KCTD3: variants seen among roughly 807,000 people sequenced by gnomAD.
The protein encoded by KCTD3 is potassium channel tetramerization domain containing 3.
A neutral mutation model predicts 85.8 loss-of-function variants in KCTD3; 41 were observed. The ratio of observed to expected loss-of-function variants is 0.48; its 90% CI spans 0.37 to 0.62. The LOEUF (loss-of-function observed/expected upper bound fraction) is 0.62, where lower values mean the gene tolerates loss of function less well. KCTD3 is among the 20% of genes least tolerant of loss of function. The probability of loss-of-function intolerance (pLI) is 0.00; values close to 1 mark genes in which losing one functional copy is unlikely to be tolerated. For missense variants in KCTD3, 724 were observed against 989.9 expected, an observed-to-expected ratio of 0.73 and a Z score of 3.60; for synonymous variants, 338 against 345.4, an observed-to-expected ratio of 0.98 and a Z score of 0.24.
intron 8 of KCTD3, 116 bp downstream of exon 8, chr1:215,580,115 C>A: frequency 3.1e-6 from 2 of 648,484 alleles, no homozygotes; most frequent in Non-Finnish European, 5.4e-6. Context: ...TTTTTCCCTG[C>A]ATATTTTACC....
In KCTD3 at chr1:215,620,403, G is replaced by C; in HGVS notation, c.2233G>C (p.Asp745His). ...FSESKKRSSE[D>H]ENENKIEFRK... ...AGAATCCAAGAAAAGGTCATCAGAAGATGAAAATGAAAATAAAATAGAGTT... is the reference window on the plus strand; with the variant it reads ...AGAATCCAAGAAAAGGTCATCAGAACATGAAAATGAAAATAAAATAGAGTT... The change falls in exon 18 of 18, where the codon GAT (aspartate) becomes CAT (histidine). Residue 745 changes from aspartate (D) to histidine (H), a missense_variant. Asp to His is a moderately conservative substitution (Grantham distance 81). Transcript: ENST00000259154. 1 of 1,612,964 alleles carries C rather than the reference G, an allele frequency of 6.2e-7. No individual in the cohort carries two copies. Among genetic ancestry groups the C allele is most frequent in the Non-Finnish European group, 8.5e-7 (1 of 1,179,546 alleles).
intron 9 of KCTD3, among the ~76,000 whole-genome samples, chr1:215,591,738 CT>C (rs1272385561): frequency 6.6e-6 from 1 of 152,192 alleles, no homozygotes; most frequent in Non-Finnish European, 1.5e-5. Context: ...GCTTATGCAA[CT>C]TTTATGCCAC....
At chr1:215,581,566 C>T (rs904925220) in intron 8 of KCTD3, among the ~76,000 whole-genome samples, 2 of 152,150 alleles carry the variant, frequency 1.3e-5, no homozygotes, top group Admixed American at 1.3e-4. Context: ...GTACACAATA[C>T]TAAAGATTGC....
In KCTD3 at chr1:215,595,370, G is replaced by T; in HGVS notation, c.832G>T (p.Gly278Cys). 1 of 1,608,612 alleles carries T rather than the reference G, an allele frequency of 6.2e-7. No individual in the cohort carries two copies. Among genetic ancestry groups the T allele is most frequent in the Non-Finnish European group, 8.5e-7 (1 of 1,175,142 alleles). The change falls in exon 10 of 18, where the codon GGT (glycine) becomes TGT (cysteine). Residue 278 changes from glycine to cysteine, a missense_variant. By Grantham distance (159) the Gly-to-Cys change is radical. Coordinates refer to ENST00000259154, the MANE Select transcript of KCTD3 (RefSeq NM_016121.5). ...TGTCATTTAAGGAGTGTTCAGCCTG[G>T]GTGTTCCTGTAGATGCTCTCTTCTT... ...SGSEIGVFSL[G>C]VPVDALFFIG...
chr1:215,582,423 G>A (rs896142051), intron 8 of KCTD3, among the ~76,000 whole-genome samples: 2 of 152,278 alleles, frequency 1.3e-5, no homozygotes, highest in South Asian at 2.1e-4. Flanking sequence ...ATAACTAGAC[G>A]TAACTCTATT....
chr1:215,595,124 G>C (rs1660368541), intron 9 of KCTD3, among the ~76,000 whole-genome samples: 1 of 152,170 alleles, frequency 6.6e-6, no homozygotes, highest in African/African-American at 2.4e-5. Context: ...TCAGGATAAG[G>C]TGTTATACAG....
chr1:215,574,810 T>C (rs1370205794), intron 3 of KCTD3, among the ~76,000 whole-genome samples: 2 of 152,228 alleles, frequency 1.3e-5, no homozygotes, highest in African/African-American at 2.4e-5. Context: ...TGTATATATA[T>C]AGTTGATCAT....
intron 1 of KCTD3, among the ~76,000 whole-genome samples, chr1:215,569,125 CTT>C (rs397964441): frequency 1.4e-4 from 19 of 138,988 alleles, no homozygotes; most frequent in Admixed American, 2.2e-4. Context: ...CTTTAATTTT[CTT>C]TTTTTTTTTT....
intron 1 of KCTD3, among the ~76,000 whole-genome samples, chr1:215,570,180 T>C (rs187239375): frequency 6.6e-6 from 1 of 150,880 alleles, no homozygotes; most frequent in Admixed American, 6.6e-5. Flanking sequence ...AGAGTAAAAC[T>C]CAAAAGGAGA....
Position 215,577,993 on chromosome 1 carries a change from G to GT in KCTD3, c.317-3dup. ...ACTCTTGACAAGTTTGCTTTGAAATGTTTTTAGTAAGAAGGCTTCTCTTAT... is the reference window on the plus strand; with the variant it reads ...ACTCTTGACAAGTTTGCTTTGAAATGTTTTTTAGTAAGAAGGCTTCTCTTAT... On this transcript the variant is annotated splice_region_variant and splice_polypyrimidine_tract_variant and intron_variant, in intron 5 of 17. Coordinates refer to ENST00000259154, the MANE Select transcript of KCTD3 (RefSeq NM_016121.5). The GT allele has an allele frequency of 3.1e-6, 5 of 1,608,370 alleles. No individual in the cohort carries two copies. The highest frequency in any genetic ancestry group is 4.2e-6 in the Non-Finnish European group (5 of 1,176,656).
intron 15 of KCTD3, 200 bp from the exon 16 acceptor site, chr1:215,618,686 A>G: frequency 2.0e-6 from 1 of 494,980 alleles, no homozygotes; most frequent in Non-Finnish European, 3.5e-6. Flanking sequence ...TGATGGATAC[A>G]ATATGGGCCA....
rs1654933558 is a variant in KCTD3, at chr1:215,604,310, G to A, written c.1309+8G>A. On this transcript the variant is annotated splice_region_variant and intron_variant, in intron 13 of 17. Coordinates refer to ENST00000259154, the MANE Select transcript of KCTD3 (RefSeq NM_016121.5). ...AGAAGCATCTTGTATCAGGTAAAAT[G>A]ATTTCATTATACTGGTAAGGAACTT... 2 of 1,607,300 alleles carry A rather than the reference G, an allele frequency of 1.2e-6. No homozygotes were observed. The highest frequency in any genetic ancestry group is 1.7e-6 in the Non-Finnish European group (2 of 1,174,512).
Position 215,567,709 on chromosome 1 carries a change from C to T in KCTD3, c.24C>T (p.Ser8=), listed in dbSNP as rs761448532. ...AGATGGCGGGAGGGCACTGCGGCAG[C>T]TTCCCCGCGGCGGCGGCCGGCAGCG... MAGGHCG[S]FPAAAAGSGE... The change falls in exon 1 of 18, where the codon AGC becomes AGT. Residue 8 remains serine (S), a synonymous_variant. Coordinates refer to ENST00000259154, the MANE Select transcript of KCTD3 (RefSeq NM_016121.5). The T allele has an allele frequency of 1.4e-5, 18 of 1,242,366 alleles. No individual in the cohort carries two copies. The highest frequency in any genetic ancestry group is 1.8e-5 in the Non-Finnish European group (18 of 988,194). The allele number at this position is 1,242,366 out of a possible 1,614,324, so 77.0% of individuals were successfully genotyped here.
intron 3 of KCTD3, among the ~76,000 whole-genome samples, chr1:215,575,017 C>T (rs150604147): frequency 2.4e-3 from 365 of 152,080 alleles, no homozygotes; most frequent in Non-Finnish European, 4.0e-3. Flanking sequence ...TTTAGGAGGT[C>T]GAGGCAAGTG....
At chr1:215,574,470 A>G (rs952858181) in intron 3 of KCTD3, among the ~76,000 whole-genome samples, 1 of 152,170 alleles carries the variant, frequency 6.6e-6, no homozygotes, top group Non-Finnish European at 1.5e-5. Flanking sequence ...TTAAATTAGT[A>G]AACTCCTACA....
chr1:215,601,990 T>C (rs1654852166), intron 11 of KCTD3, 36 bp downstream of exon 11: 1 of 1,433,814 alleles, frequency 7.0e-7, no homozygotes, highest in Non-Finnish European at 9.8e-7. Flanking sequence ...TCCTGCTTAA[T>C]GTAATTTTTT....
At chr1:215,579,283 C>T (rs1003960893) in intron 7 of KCTD3, 146 bp downstream of exon 7, 1 of 627,242 alleles carries the variant, frequency 1.6e-6, no homozygotes, top group Non-Finnish European at 2.7e-6. Flanking sequence ...TCTCATTTAA[C>T]ACTTAATTTT....
chr1:215,607,050 T>C (rs535892999), intron 13 of KCTD3, among the ~76,000 whole-genome samples: 37 of 152,056 alleles, frequency 2.4e-4, no homozygotes, highest in African/African-American at 8.4e-4. Flanking sequence ...TATATAAGAA[T>C]AGAAAGTACA....
intron 6 of KCTD3, among the ~76,000 whole-genome samples, chr1:215,578,403 A>G (rs932076181): frequency 1.3e-5 from 2 of 152,150 alleles, no homozygotes; most frequent in African/African-American, 4.8e-5. Flanking sequence ...AATAGCATTG[A>G]TTGGGCTGGA....
Sources: gnomAD v4.1 joint callset for allele counts (sites outside exome capture counted in the v4.1 genomes callset) on GRCh38, gnomAD v4.1.1 for gene constraint, MANE v1.5 for transcripts, NCBI Gene and HGNC (gene_info 2026-07-23, HGNC 2026-07-21) for gene names.